The following ARSB variants were observed in gnomAD, a reference collection of about 807,000 sequenced individuals.
ARSB encodes the protein N-acetylgalactosamine-4-sulfatase.
ARSB carries 41 observed loss-of-function variants against 50.9 expected under a neutral mutation model. That is an observed-to-expected ratio of 0.81 (90% CI 0.63 to 1.04). The LOEUF is 1.04. Among genes scored for constraint, ARSB ranks in the 50% least tolerant of loss-of-function variants. The pLI is 0.00. For missense variants in ARSB, 672 were observed against 693.3 expected (o/e 0.97, Z 0.35); for synonymous variants, 269 against 284.8 (o/e 0.94, Z 0.56).
intron 5 of ARSB, among the ~76,000 whole-genome samples, chr5:78,876,804 A>G (rs944202518): frequency 6.6e-6 from 1 of 152,158 alleles, no homozygotes; most frequent in African/African-American, 2.4e-5. Context: ...TCACAGCAGG[A>G]GGTGAGCGGT....
rs139870122 is a variant in ARSB at position 78,878,326 on chromosome 5, G to A, written c.1142+7258C>T. 6.5e-4 allele frequency among the ~76,000 whole-genome samples: 99 copies of A among 152,142 alleles called. 2 individuals carry two copies. The East Asian group carries it at 0.015, about 23-fold the overall frequency. On this transcript the variant is annotated intron_variant, in intron 5 of 7. Coordinates refer to ENST00000264914, the MANE Select transcript of ARSB (RefSeq NM_000046.5). ...AAGACAATATAATGAAGGACAGGCC[G>A]ATAACCATTTCTACCAGATATTTAA...
At chr5:78,913,224 A>G (rs1341353200) in intron 4 of ARSB, among the ~76,000 whole-genome samples, 1 of 150,826 alleles carries the variant, frequency 6.6e-6, no homozygotes, top group Non-Finnish European at 1.5e-5. Context: ...TCCCAGGTTC[A>G]CGCCATTCTC....
intron 6 of ARSB, among the ~76,000 whole-genome samples, chr5:78,804,832 C>T (rs775829572): frequency 6.6e-5 from 10 of 152,196 alleles, no homozygotes; most frequent in Non-Finnish European, 1.3e-4. Context: ...AATGCTGCCC[C>T]GTGCTCCATG....
At chr5:78,814,943 G>A (rs1220499451) in intron 6 of ARSB, among the ~76,000 whole-genome samples, 1 of 150,612 alleles carries the variant, frequency 6.6e-6, no homozygotes, top group Non-Finnish European at 1.5e-5. Context: ...GACTAAGAGA[G>A]TGCTATGAAT....
chr5:78,945,190 A>C (rs2112451662), intron 4 of ARSB, among the ~76,000 whole-genome samples: 1 of 152,178 alleles, frequency 6.6e-6, no homozygotes, highest in African/African-American at 2.4e-5. Context: ...CCTTTCTTTG[A>C]GTAGGAAAGG....
At chr5:78,794,240 G>T (rs919179232) in intron 6 of ARSB, among the ~76,000 whole-genome samples, 1 of 151,964 alleles carries the variant, frequency 6.6e-6, no homozygotes, top group Non-Finnish European at 1.5e-5. Flanking sequence ...CTCATTCCTG[G>T]GCTTGCGGCT....
intron 5 of ARSB, among the ~76,000 whole-genome samples, chr5:78,850,863 T>C (rs1261452127): frequency 6.6e-6 from 1 of 152,232 alleles, no homozygotes; most frequent in Non-Finnish European, 1.5e-5. Context: ...GTTTGTAGTA[T>C]TCTCTGATGG....
At chr5:78,792,585 T>G (rs189443143) in intron 6 of ARSB, among the ~76,000 whole-genome samples, 1 of 152,192 alleles carries the variant, frequency 6.6e-6, no homozygotes, top group Non-Finnish European at 1.5e-5. Flanking sequence ...AGTTCCTGTT[T>G]CCTTGTATGC....
chr5:78,815,616 C>G, intron 6 of ARSB: 1 of 987,202 alleles, frequency 1.0e-6, no homozygotes, highest in Non-Finnish European at 1.2e-6. Context: ...GCTGACTTCA[C>G]TCTTCTCTAT....
At chr5:78,860,410 C>T (rs949460770) in intron 5 of ARSB, among the ~76,000 whole-genome samples, 8 of 152,178 alleles carry the variant, frequency 5.3e-5, no homozygotes, top group African/African-American at 1.2e-4. Context: ...AACAAACTGT[C>T]TTTCAGACCA....
In ARSB at chr5:78,787,024, C is replaced by A. The variant is rs1422297220; in HGVS notation, c.1214-5050G>T. Among the ~76,000 whole-genome samples the A allele has an allele frequency of 2.6e-5, 4 of 152,118 alleles. No individual in the cohort carries two copies. In the South Asian group the frequency reaches 6.2e-4, roughly 24 times the overall value. On this transcript the variant is annotated intron_variant, in intron 6 of 7. Coordinates refer to ENST00000264914, the MANE Select transcript of ARSB (RefSeq NM_000046.5). Reference sequence around the variant, plus strand: ...TTGTCAAAACCCAATTGACCATAAGCATGAGGGTTTATTTCTGGACTCTCG... The same window carrying A: ...TTGTCAAAACCCAATTGACCATAAGAATGAGGGTTTATTTCTGGACTCTCG...
At chr5:78,846,671 T>C (rs1745458806) in intron 5 of ARSB, among the ~76,000 whole-genome samples, 1 of 152,172 alleles carries the variant, frequency 6.6e-6, no homozygotes, top group Non-Finnish European at 1.5e-5. Flanking sequence ...GGGTTTTCTG[T>C]ATATATGATG....
At chr5:78,893,080 T>C (rs1285200254) in intron 4 of ARSB, among the ~76,000 whole-genome samples, 1 of 151,368 alleles carries the variant, frequency 6.6e-6, no homozygotes, top group Non-Finnish European at 1.5e-5. Context: ...TCCCCCATAC[T>C]GTTCTCGTGG....
chr5:78,983,284 C>A (rs1752997161), intron 1 of ARSB, among the ~76,000 whole-genome samples: 1 of 152,138 alleles, frequency 6.6e-6, no homozygotes, highest in African/African-American at 2.4e-5. Flanking sequence ...GAACTCCTGA[C>A]CTCAGGTGAT....
chr5:78,955,219 A>C (rs1378615743), intron 4 of ARSB, 76 bp downstream of exon 4: 1 of 1,468,188 alleles, frequency 6.8e-7, no homozygotes, highest in Non-Finnish European at 9.5e-7. Flanking sequence ...AACCGCTCCA[A>C]TTTGTCTTCA....
intron 4 of ARSB, among the ~76,000 whole-genome samples, chr5:78,923,928 C>A (rs1045065778): frequency 6.6e-6 from 1 of 152,176 alleles, no homozygotes; most frequent in Non-Finnish European, 1.5e-5. Context: ...AAGCGAGGTT[C>A]CAAGGCCTGC....
At chr5:78,787,747 T>A (rs1423935820) in intron 6 of ARSB, among the ~76,000 whole-genome samples, 3 of 152,130 alleles carry the variant, frequency 2.0e-5, no homozygotes, top group Non-Finnish European at 4.4e-5. Flanking sequence ...GAGTAAAGGA[T>A]TCTGGAATGA....
rs564152701 is a variant in ARSB, at chr5:78,840,806, C to T, written c.1143-1380G>A. 6.6e-5 allele frequency among the ~76,000 whole-genome samples: 10 copies of T among 152,222 alleles called. No individual in the cohort carries two copies. The South Asian group carries it at 1.7e-3, about 25-fold the overall frequency. ...TGGGGGTGGGGCATATTTCCCAGGACCTTTCTTTTCTCATTTTCTTTCGGA... is the reference window on the plus strand; with the variant it reads ...TGGGGGTGGGGCATATTTCCCAGGATCTTTCTTTTCTCATTTTCTTTCGGA... On this transcript the variant is annotated intron_variant, in intron 5 of 7. Coordinates refer to ENST00000264914, the MANE Select transcript of ARSB (RefSeq NM_000046.5).
At chr5:78,850,996 T>C (rs36186839) in intron 5 of ARSB, among the ~76,000 whole-genome samples, 54,356 of 151,946 alleles carry the variant, frequency 0.36, 11,212 homozygotes, top group Admixed American at 0.48. Flanking sequence ...TTTGTTGATC[T>C]TTTCAAAAAA....
Sources: gnomAD v4.1 joint callset for allele counts (sites outside exome capture counted in the v4.1 genomes callset) on GRCh38, gnomAD v4.1.1 for gene constraint, MANE v1.5 for transcripts, NCBI Gene and HGNC (gene_info 2026-07-23, HGNC 2026-07-21) for gene names.